The following BLOC1S3 variants were observed in gnomAD, a reference collection of about 807,000 sequenced individuals.
BLOC1S3 encodes the protein biogenesis of lysosomal organelles complex 1 subunit 3, also known as biogenesis of lysosome-related organelles complex 1 subunit 3.
BLOC1S3 carries 7 observed loss-of-function variants against 9.1 expected under a neutral mutation model. The observed-to-expected ratio is 0.77, with a 90% CI of 0.44 to 1.45. The LOEUF is 1.45. Ranked by LOEUF, BLOC1S3 falls within the 40% of genes most tolerant of loss-of-function variation. BLOC1S3 has a pLI of 0.01. For synonymous variants in BLOC1S3, 145 were observed against 158.4 expected (o/e 0.92, Z 0.64); for missense variants, 307 against 315.2 (o/e 0.97, Z 0.20).
chr19:45,203,745 G>A (rs1486313324), intron 3 of BLOC1S3, among the ~76,000 whole-genome samples: 4 of 152,094 alleles, frequency 2.6e-5, no homozygotes, highest in African/African-American at 7.2e-5. Flanking sequence ...TAATAGAACA[G>A]CGCTGAGTTC....
intron 3 of BLOC1S3, among the ~76,000 whole-genome samples, chr19:45,212,002 G>A (rs889509841): frequency 6.6e-6 from 1 of 152,058 alleles, no homozygotes; most frequent in African/African-American, 2.4e-5. Context: ...ACCCAGGAGG[G>A]CGCCCTGGAT....
At chr19:45,209,130 C>A (rs552248895) in intron 3 of BLOC1S3, among the ~76,000 whole-genome samples, 1 of 151,488 alleles carries the variant, frequency 6.6e-6, no homozygotes, top group African/African-American at 2.4e-5. Context: ...CTCACTGCAA[C>A]CTCTGCCTCC....
chr19:45,180,938 G>T lies in BLOC1S3; in HGVS notation c.*1033G>T, dbSNP rs1969512150. 2 of 164,152 alleles carry T rather than the reference G, an allele frequency of 1.2e-5. No individual in the cohort carries two copies. Among genetic ancestry groups the T allele is most frequent in the African/African-American group, 4.8e-5 (2 of 41,434 alleles). 10.2% of individuals were successfully genotyped at this position (164,152 alleles called of 1,614,324 possible). A position where few individuals can be genotyped will look rare whatever the true frequency, so the allele number is the denominator to read the frequency against. On this transcript the variant is annotated 3_prime_UTR_variant, in exon 2 of 2. Coordinates refer to ENST00000433642, the MANE Select transcript of BLOC1S3 (RefSeq NM_212550.5). ...GATGAGGTTTCACCTTGTTGGCCAG[G>T]CTGGTCTCGAACTCCTGGCCTCAGG...
chr19:45,205,194 CT>C (rs1451300866), intron 3 of BLOC1S3, among the ~76,000 whole-genome samples: 2 of 152,070 alleles, frequency 1.3e-5, no homozygotes, highest in African/African-American at 4.8e-5. Flanking sequence ...GAGACGGAGT[CT>C]TGCACTGTCG....
At chr19:45,216,031 C>CGGCCA in intron 3 of BLOC1S3, 6 of 1,607,252 alleles carry the variant, frequency 3.7e-6, no homozygotes, top group Non-Finnish European at 5.1e-6. Context: ...CAGGAGACCT[C>CGGCCA]GGCCAGGCAC....
chr19:45,187,616 G>A (rs1438213825), exon 2 of BLOC1S3: 1 of 152,276 alleles, frequency 6.6e-6, no homozygotes, highest in African/African-American at 2.4e-5. Context: ...TATGCGCAGG[G>A]ACGCTTGAGG....
intron 3 of BLOC1S3, chr19:45,213,325 C>A (rs752805504): frequency 1.2e-6 from 2 of 1,613,434 alleles, no homozygotes; most frequent in Non-Finnish European, 1.7e-6. Flanking sequence ...GCGCAGGCCA[C>A]GGATGTCGAG....
intron 2 of BLOC1S3, among the ~76,000 whole-genome samples, chr19:45,192,860 G>C (rs11672867): frequency 2.0e-5 from 3 of 151,468 alleles, no homozygotes; most frequent in Admixed American, 6.6e-5. Context: ...CAAGCCAGGC[G>C]TGGTGGCTCA....
chr19:45,210,798 A>G (rs1473493450), intron 3 of BLOC1S3, among the ~76,000 whole-genome samples: 1 of 152,204 alleles, frequency 6.6e-6, no homozygotes, highest in Non-Finnish European at 1.5e-5. Flanking sequence ...TCTGAAAAGT[A>G]CATTGACAAA....
At chr19:45,194,045 C>T (rs377746456) in intron 2 of BLOC1S3, among the ~76,000 whole-genome samples, 9 of 138,502 alleles carry the variant, frequency 6.5e-5, no homozygotes, top group African/African-American at 1.4e-4. Context: ...CCTCACGATC[C>T]GCCCTCCTTG....
chr19:45,183,243 G>A (rs1969539921), downstream of BLOC1S3, among the ~76,000 whole-genome samples: 1 of 151,980 alleles, frequency 6.6e-6, no homozygotes, highest in Non-Finnish European at 1.5e-5. Flanking sequence ...ACTTTGGGAG[G>A]TCGAGGCAGG....
intron 2 of BLOC1S3, among the ~76,000 whole-genome samples, chr19:45,200,940 G>T (rs571086649): frequency 6.6e-6 from 1 of 152,092 alleles, no homozygotes; most frequent in Non-Finnish European, 1.5e-5. Flanking sequence ...AGTGGCTCAC[G>T]CCTGTAATCC....
chr19:45,180,235 A>AATTTTTTTTTTTTTTTTTTTTTT lies in BLOC1S3; in HGVS notation c.*330_*331insATTTTTTTTTTTTTTTTTTTTTT, dbSNP rs1555752038. The AATTTTTTTTTTTTTTTTTTTTTT allele has an allele frequency of 7.8e-5, 7 of 90,230 alleles. No individual in the cohort carries two copies. Among genetic ancestry groups the AATTTTTTTTTTTTTTTTTTTTTT allele is most frequent in the African/African-American group, 3.4e-4 (6 of 17,882 alleles). The allele number at this position is 90,230 out of a possible 1,614,324, so 5.6% of individuals were successfully genotyped here. A position where few individuals can be genotyped will look rare whatever the true frequency, so the allele number is the denominator to read the frequency against. On this transcript the variant is annotated 3_prime_UTR_variant, in exon 2 of 2. Transcript: ENST00000433642. ...CTGTTTCCACCCTGGGGGCTCACCA[A>AATTTTTTTTTTTTTTTTTTTTTT]TTTTTTTTTTTTTTTTTTTTTTTTG...
rs1356443813 is a variant in BLOC1S3 at position 45,179,665 on chromosome 19, C to A, written c.369C>A (p.Asp123Glu). 1 of 1,466,978 alleles carries A rather than the reference C, an allele frequency of 6.8e-7. No individual in the cohort carries two copies. The highest frequency in any genetic ancestry group is 1.3e-5 in the South Asian group (1 of 76,686). 90.9% of individuals were successfully genotyped at this position (1,466,978 alleles called of 1,614,324 possible). ...AGAGCCAGGCGCGGCTGGACCACGA[C>A]GTGGCGGCCGCCGTGAGCGGTGTCT... ...LAESQARLDH[D>E]VAAAVSGVYR... Residue 123 changes from aspartate to glutamate, a missense_variant, in exon 2 of 2, where the codon GAC becomes GAA. Physicochemically the swap from Asp to Glu is conservative, Grantham distance 45. Transcript: ENST00000433642. This position sits in a 1 kb window ranked among gnomAD's most constrained non-coding sequence, Gnocchi z 4.6.
rs1487554331 is a variant in BLOC1S3, at chr19:45,179,740, AGCCCAGGCGGCGGGGCTGGCGGCG to A, written c.450_473del (p.Gln150_Ala157del). Reference sequence around the variant, plus strand: ...CCGCCCTGGCTAGTAGGCTGGCGGCAGCCCAGGCGGCGGGGCTGGCGGCGGCCCACAGCGTGCGCCTGGCGCGCG... The same window carrying A: ...CCGCCCTGGCTAGTAGGCTGGCGGCAGCCCACAGCGTGCGCCTGGCGCGCG... On this transcript the variant is annotated inframe_deletion, in exon 2 of 2. Coordinates refer to ENST00000433642, the MANE Select transcript of BLOC1S3 (RefSeq NM_212550.5). The surrounding 1 kb of genome is among the most constrained non-coding windows in gnomAD (Gnocchi z 4.6). 6.9e-6 allele frequency: 10 copies of A among 1,459,398 alleles called. No homozygotes were observed. The highest frequency in any genetic ancestry group is 1.4e-5 in the South Asian group (1 of 73,430). The allele number at this position is 1,459,398 out of a possible 1,614,324, so 90.4% of individuals were successfully genotyped here.
intron 2 of BLOC1S3, among the ~76,000 whole-genome samples, chr19:45,196,356 T>C (rs1305702885): frequency 6.6e-6 from 1 of 151,800 alleles, no homozygotes; most frequent in Admixed American, 6.6e-5. Context: ...CTAGCCTGGG[T>C]GACATAGCGA....
chr19:45,207,780 G>C (rs551711806), intron 3 of BLOC1S3, among the ~76,000 whole-genome samples: 1 of 152,146 alleles, frequency 6.6e-6, no homozygotes, highest in Non-Finnish European at 1.5e-5. Flanking sequence ...ACATAGGAAT[G>C]TGCAGGTGCA....
At position 45,179,983 on chromosome 19, in the gene BLOC1S3, G is replaced by T; in HGVS notation, c.*78G>T. On this transcript the variant is annotated 3_prime_UTR_variant, in exon 2 of 2. Transcript: ENST00000433642. This position sits in a 1 kb window ranked among gnomAD's most constrained non-coding sequence, Gnocchi z 4.6. ...TCTGGGACCTGACTCTGTCTCCTGT[G>T]TCTCTTATCACCCCCCACCCCCGCT... 1 of 1,523,808 alleles carries T rather than the reference G, an allele frequency of 6.6e-7. No homozygotes were observed. The highest frequency in any genetic ancestry group is 8.9e-7 in the Non-Finnish European group (1 of 1,123,064). The allele number at this position is 1,523,808 out of a possible 1,614,324, so 94.4% of individuals were successfully genotyped here.
chr19:45,191,051 C>T (rs974298582), intron 2 of BLOC1S3, among the ~76,000 whole-genome samples: 2 of 151,624 alleles, frequency 1.3e-5, no homozygotes, highest in Admixed American at 6.6e-5. Flanking sequence ...ACGATCCGCC[C>T]GCCTCGGCCT....
Sources: allele counts gnomAD v4.1 joint callset (sites outside exome capture counted in the v4.1 genomes callset), GRCh38; gene constraint gnomAD v4.1.1; non-coding constraint Gnocchi (gnomAD v3.1); transcripts MANE v1.5; gene names NCBI Gene and HGNC (gene_info 2026-07-23, HGNC 2026-07-21).